The following PNPLA4 variants were observed in gnomAD, a reference collection of about 807,000 sequenced individuals.
PNPLA4 encodes patatin-like phospholipase domain-containing protein 4.
A neutral mutation model predicts 18.3 loss-of-function variants in PNPLA4; 15 were observed. The observed-to-expected ratio is 0.82, with a 90% confidence interval of 0.55 to 1.26. The LOEUF (loss-of-function observed/expected upper bound fraction) is 1.26, where lower values mean the gene tolerates loss of function less well. Among genes scored for constraint, PNPLA4 ranks in the 50% most tolerant of loss-of-function variants. PNPLA4 has a pLI of 0.00. For missense variants in PNPLA4, 229 were observed against 196.8 expected, an observed-to-expected ratio of 1.16 and a Z score of -0.98; for synonymous variants, 88 against 85.6, an observed-to-expected ratio of 1.03 and a Z score of -0.16.
At chrX:7,925,715 T>C (rs990540794) in intron 2 of PNPLA4, among the ~76,000 whole-genome samples, 3 of 112,262 alleles carry the variant, frequency 2.7e-5, no homozygotes, top group South Asian at 7.3e-4. Context: ...AAGAGTAATA[T>C]AAGTCATTTT....
chrX:7,921,945 A>T lies in PNPLA4; in HGVS notation c.275+59T>A. ...GAATGCTGAGCTTGCCAAAGTTTGT[A>T]CAGAGAGTCGTCAACATTCTGTCTT... On this transcript the variant is annotated intron_variant, in intron 3 of 6. Transcript: ENST00000381042. 8 of 1,126,516 alleles carry T rather than the reference A, an allele frequency of 7.1e-6. No homozygotes were observed. In the South Asian group the frequency reaches 1.1e-4, roughly 16 times the overall value. The allele number at this position is 1,126,516 out of a possible 1,213,427, so 92.8% of individuals were successfully genotyped here.
intron 4 of PNPLA4, among the ~76,000 whole-genome samples, chrX:7,915,927 A>C (rs1325553736): frequency 8.9e-6 from 1 of 112,053 alleles, no homozygotes; most frequent in African/African-American, 3.2e-5. Flanking sequence ...TCTTGTTAAG[A>C]GCATTCTCAC....
intron 5 of PNPLA4, among the ~76,000 whole-genome samples, chrX:7,904,763 G>A (rs1923654397): frequency 8.9e-6 from 1 of 111,913 alleles, no homozygotes; most frequent in Admixed American, 9.5e-5. Context: ...CCACCTTCTT[G>A]CTTCATGGGC....
At chrX:7,922,314 CT>C (rs1924255241) in intron 2 of PNPLA4, among the ~76,000 whole-genome samples, 1 of 111,862 alleles carries the variant, frequency 8.9e-6, no homozygotes, top group African/African-American at 3.3e-5. Flanking sequence ...TTGTTTTTTC[CT>C]TTGTAAAGCA....
chrX:7,916,336 T>C lies in PNPLA4; in HGVS notation c.412-4243A>G, dbSNP rs923521110. On this transcript the variant is annotated intron_variant, in intron 4 of 6. Transcript: ENST00000381042. The stretch of plus-strand genomic sequence containing the variant: ...AAGAAAAAGAGCCCACAATAAAATC[T>C]GGAACTCGAAATGAATGAGTTGGTA... 3.6e-5 allele frequency among the ~76,000 whole-genome samples: 4 copies of C among 111,250 alleles called. No individual in the cohort carries two copies. The Admixed American group carries it at 3.8e-4, about 11-fold the overall frequency.
rs747580473 is a variant in PNPLA4 at position 7,916,291 on chromosome X, T to C, written c.412-4198A>G. ...AACATTAAAATGTGTTTGGATTTCC[T>C]AGTTGCATGCATGCTTCTAAAGAAA... On this transcript the variant is annotated intron_variant, in intron 4 of 6. Transcript: ENST00000381042. Among the ~76,000 whole-genome samples the C allele has an allele frequency of 1.3e-4, 15 of 111,639 alleles. No homozygotes were observed. In the South Asian group the frequency reaches 4.9e-3, roughly 37 times the overall value.
At chrX:7,923,668 G>T (rs1924304753) in intron 2 of PNPLA4, among the ~76,000 whole-genome samples, 1 of 111,622 alleles carries the variant, frequency 9.0e-6, no homozygotes, top group Admixed American at 9.5e-5. Context: ...TTGGGCAGAG[G>T]ACGAAGGTGA....
chrX:7,902,783 G>C (rs932699935), intron 5 of PNPLA4, among the ~76,000 whole-genome samples: 24 of 111,664 alleles, frequency 2.1e-4, no homozygotes, highest in African/African-American at 7.8e-4. Context: ...CAATGAGGAC[G>C]GACAATGAGG....
intron 6 of PNPLA4, among the ~76,000 whole-genome samples, chrX:7,901,546 C>T (rs184545864): frequency 2.5e-3 from 279 of 111,630 alleles, no homozygotes; most frequent in Non-Finnish European, 4.0e-3. Flanking sequence ...ATGATCTTGC[C>T]GCTGCACTCC....
chrX:7,900,812 G>A lies in PNPLA4; in HGVS notation c.636C>T (p.Ser212=). 1.7e-6 allele frequency: 2 copies of A among 1,196,967 alleles called. No homozygotes were observed. The highest frequency in any genetic ancestry group is 4.5e-5 in the Admixed American group (2 of 44,102). The change falls in exon 7 of 7, where the codon TCC becomes TCT. Residue 212 remains serine, a synonymous_variant. Transcript: ENST00000381042. ...VNIAKQDIML[S]LANLVRLNQA... is the part of the protein sequence containing the mutation. ...GGTTGAGTCTCACCAGGTTTGCCAG[G>A]GACAACTAGAATAAAAAGACCAAAA...
At chrX:7,905,805 T>C (rs1286638938) in intron 5 of PNPLA4, among the ~76,000 whole-genome samples, 1 of 112,139 alleles carries the variant, frequency 8.9e-6, no homozygotes, top group Non-Finnish European at 1.9e-5. Flanking sequence ...CACCATCTGC[T>C]TCAGTAAATA....
intron 2 of PNPLA4, among the ~76,000 whole-genome samples, chrX:7,923,570 A>T (rs1279811131): frequency 8.9e-6 from 1 of 112,147 alleles, no homozygotes; most frequent in Non-Finnish European, 1.9e-5. Context: ...GGAAATGAAT[A>T]CAGTGTGTGT....
In PNPLA4 at chrX:7,912,895, A is replaced by G. The variant is rs1429632441; in HGVS notation, c.412-802T>C. Among the ~76,000 whole-genome samples, 3 of 111,890 alleles carry G rather than the reference A, an allele frequency of 2.7e-5. No homozygotes were observed. The South Asian group carries it at 1.1e-3, about 42-fold the overall frequency. ...TTTCATGAGTTTTTTTTCATCATAC[A>G]TTATTCAGAAATGGATTATGGCTCA... On this transcript the variant is annotated intron_variant, in intron 4 of 6. Coordinates refer to ENST00000381042, the MANE Select transcript of PNPLA4 (RefSeq NM_004650.3).
intron 5 of PNPLA4, among the ~76,000 whole-genome samples, chrX:7,907,827 T>A (rs1370197230): frequency 9.2e-6 from 1 of 108,783 alleles, no homozygotes; most frequent in East Asian, 2.8e-4. Flanking sequence ...GCTCAGGTGA[T>A]CCTCCCACCT....
At chrX:7,909,387 AT>A (rs1229322910) in intron 5 of PNPLA4, among the ~76,000 whole-genome samples, 1 of 110,496 alleles carries the variant, frequency 9.1e-6, no homozygotes, top group Non-Finnish European at 1.9e-5. Context: ...GTGAAACCCC[AT>A]CTCTACTAAA....
intron 4 of PNPLA4, among the ~76,000 whole-genome samples, chrX:7,920,082 C>A (rs1254111891): frequency 9.0e-6 from 1 of 111,314 alleles, no homozygotes. Flanking sequence ...GAAAGCTGAA[C>A]AGGACAGCAG....
At chrX:7,923,658 T>C (rs1456470158) in intron 2 of PNPLA4, among the ~76,000 whole-genome samples, 1 of 111,201 alleles carries the variant, frequency 9.0e-6, no homozygotes, top group African/African-American at 3.3e-5. Context: ...TAAACAGGAG[T>C]TGGGCAGAGG....
At chrX:7,907,220 C>T (rs1324641078) in intron 5 of PNPLA4, among the ~76,000 whole-genome samples, 4 of 111,047 alleles carry the variant, frequency 3.6e-5, no homozygotes, top group South Asian at 3.9e-4. Context: ...GGTTTCACCA[C>T]GTTAGCCAGG....
chrX:7,904,853 A>C (rs1302901710), intron 5 of PNPLA4, among the ~76,000 whole-genome samples: 1 of 111,191 alleles, frequency 9.0e-6, no homozygotes, highest in African/African-American at 3.3e-5. Context: ...CTGCTGGTCT[A>C]CCCCGTTAGA....
Sources: gnomAD v4.1 joint callset for allele counts (sites outside exome capture counted in the v4.1 genomes callset) on GRCh38, gnomAD v4.1.1 for gene constraint, MANE v1.5 for transcripts, NCBI Gene and HGNC (gene_info 2026-07-23, HGNC 2026-07-21) for gene names.